The following PRKCE variants were observed in gnomAD, a reference collection of about 807,000 sequenced individuals.
PRKCE encodes protein kinase C epsilon type.
Under a neutral mutation model 85.4 loss-of-function variants are expected in PRKCE, and 16 were observed. The ratio of observed to expected loss-of-function variants is 0.19; its 90% CI spans 0.13 to 0.28. PRKCE has a LOEUF of 0.28. Among genes scored for constraint, PRKCE ranks in the 10% least tolerant of loss-of-function variants. PRKCE has a pLI of 1.00. For synonymous variants in PRKCE, 388 were observed against 371.5 expected, an observed-to-expected ratio of 1.04 and a Z score of -0.51; for missense variants, 573 against 975.2, an observed-to-expected ratio of 0.59 and a Z score of 5.49.
intron 11 of PRKCE, among the ~76,000 whole-genome samples, chr2:46,141,636 A>G (rs1305717117): frequency 6.6e-6 from 1 of 152,234 alleles, no homozygotes; most frequent in Non-Finnish European, 1.5e-5. Context: ...AGTATAGGCT[A>G]GTCACATTGG....
intron 1 of PRKCE, among the ~76,000 whole-genome samples, chr2:45,727,721 C>G (rs966175776): frequency 1.3e-5 from 2 of 152,148 alleles, no homozygotes; most frequent in African/African-American, 4.8e-5. Context: ...GTGGTGCGAT[C>G]TCGGCTCACT....
At chr2:45,693,061 C>G (rs745470531) in intron 1 of PRKCE, among the ~76,000 whole-genome samples, 18 of 152,100 alleles carry the variant, frequency 1.2e-4, no homozygotes, top group Middle Eastern at 3.4e-3. Flanking sequence ...GAGGCCTGAA[C>G]TTGGAAGTGG....
intron 14 of PRKCE, among the ~76,000 whole-genome samples, chr2:46,181,440 T>G (rs1182470526): frequency 2.0e-5 from 3 of 152,198 alleles, no homozygotes; most frequent in Non-Finnish European, 4.4e-5. Context: ...AAGAATGGCA[T>G]ACTCTCTCAA....
chr2:45,901,194 C>T (rs866729227), intron 2 of PRKCE, among the ~76,000 whole-genome samples: 1 of 152,164 alleles, frequency 6.6e-6, no homozygotes, highest in African/African-American at 2.4e-5. Flanking sequence ...AGAAAAATTG[C>T]TACAAAATCC....
intron 1 of PRKCE, among the ~76,000 whole-genome samples, chr2:45,821,762 T>A (rs965815427): frequency 6.6e-6 from 1 of 152,136 alleles, no homozygotes; most frequent in African/African-American, 2.4e-5. Flanking sequence ...TGGAAATGAA[T>A]GTCACCCTGG....
rs1455216790 is a variant in PRKCE, at chr2:46,119,681, A to G, written c.1593-25412A>G. Among the ~76,000 whole-genome samples the G allele has an allele frequency of 2.6e-5, 4 of 152,208 alleles. No individual in the cohort carries two copies. The South Asian group carries it at 8.3e-4, about 32-fold the overall frequency. ...CCATCTCTGCTTAGCAAGTGAAGAA[A>G]TATTTGCAAAGAGACTCTTTCAACT... On this transcript the variant is annotated intron_variant, in intron 11 of 14. Transcript: ENST00000306156.
rs913097119 is a variant in PRKCE at position 45,879,038 on chromosome 2, C to T, written c.412+35975C>T. On this transcript the variant is annotated intron_variant, in intron 2 of 14. Coordinates refer to ENST00000306156, the MANE Select transcript of PRKCE (RefSeq NM_005400.3). The stretch of plus-strand genomic sequence containing the variant: ...GGCCCCACCCTCAAGCCTGGAACTA[C>T]GGCAAAAAGTGAGAACTTTACATCC... Among the ~76,000 whole-genome samples the T allele has an allele frequency of 4.6e-5, 7 of 152,298 alleles. No homozygotes were observed. In the South Asian group the frequency reaches 6.2e-4, roughly 14 times the overall value.
At chr2:45,841,296 T>A (rs1161498591) in intron 1 of PRKCE, among the ~76,000 whole-genome samples, 1 of 152,196 alleles carries the variant, frequency 6.6e-6, no homozygotes, top group East Asian at 1.9e-4. Flanking sequence ...AGGAAGCCAG[T>A]CCGTGTCCGA....
intron 11 of PRKCE, among the ~76,000 whole-genome samples, chr2:46,109,142 T>G (rs532198076): frequency 6.6e-6 from 1 of 152,288 alleles, no homozygotes; most frequent in African/African-American, 2.4e-5. Context: ...GTCCCCCAAC[T>G]TTCTTCTTCT....
At chr2:46,080,180 G>T (rs979895047) in intron 10 of PRKCE, among the ~76,000 whole-genome samples, 2 of 152,108 alleles carry the variant, frequency 1.3e-5, no homozygotes, top group Non-Finnish European at 2.9e-5. Flanking sequence ...TTTCATTTAC[G>T]TAATTAAGCA....
intron 1 of PRKCE, among the ~76,000 whole-genome samples, chr2:45,834,246 G>A (rs1241480513): frequency 1.3e-5 from 2 of 152,190 alleles, no homozygotes; most frequent in Non-Finnish European, 2.9e-5. Flanking sequence ...ACCTGGCTAC[G>A]GGTGATGAGA....
At chr2:46,102,365 T>C (rs1358288962) in intron 11 of PRKCE, among the ~76,000 whole-genome samples, 1 of 152,198 alleles carries the variant, frequency 6.6e-6, no homozygotes, top group Admixed American at 6.5e-5. Flanking sequence ...ATTTCAGATG[T>C]CTTTAAGATA....
rs201797919 is a variant in PRKCE, at chr2:46,123,148, C to A, written c.1593-21945C>A. 5.8e-3 allele frequency among the ~76,000 whole-genome samples: 489 copies of A among 84,206 alleles called. 1 individual carries two copies. Among genetic ancestry groups the A allele is most frequent in the East Asian group, 6.7e-3 (19 of 2,822 alleles). 55.2% of individuals were successfully genotyped at this position (84,206 alleles called of 152,430 possible). A position where few individuals can be genotyped will look rare whatever the true frequency, so the allele number is the denominator to read the frequency against. ...AGGAAAGTTGACTGAAGTTCACTAG[C>A]AAAAAAAAAAAAAAAAAATGTGCAA... On this transcript the variant is annotated intron_variant, in intron 11 of 14. Transcript: ENST00000306156.
At chr2:45,776,517 A>G (rs1685760511) in intron 1 of PRKCE, among the ~76,000 whole-genome samples, 1 of 152,188 alleles carries the variant, frequency 6.6e-6, no homozygotes, top group East Asian at 1.9e-4. Context: ...TCTCACCCAC[A>G]TGATCTTGCA....
chr2:45,659,610 C>T (rs562793020), intron 1 of PRKCE, among the ~76,000 whole-genome samples: 1 of 152,162 alleles, frequency 6.6e-6, no homozygotes, highest in Admixed American at 6.5e-5. Flanking sequence ...TCTCCCTGTT[C>T]ATTCCTCTCT....
At chr2:45,833,226 G>T (rs906976983) in intron 1 of PRKCE, among the ~76,000 whole-genome samples, 3 of 152,052 alleles carry the variant, frequency 2.0e-5, no homozygotes, top group Non-Finnish European at 4.4e-5. Flanking sequence ...ATTAGGTTGT[G>T]ATACTACAGG....
intron 14 of PRKCE, among the ~76,000 whole-genome samples, chr2:46,165,636 C>T (rs3820729): frequency 0.1 from 15,553 of 152,298 alleles, 809 homozygotes; most frequent in Middle Eastern, 0.17. Flanking sequence ...CTTGCCTTCT[C>T]TGGGGACTGG....
chr2:46,079,485 T>C (rs1488848448), intron 10 of PRKCE, among the ~76,000 whole-genome samples: 4 of 152,178 alleles, frequency 2.6e-5, no homozygotes, highest in African/African-American at 9.7e-5. Context: ...AGGAAAGACC[T>C]GTTGAATTGA....
chr2:46,083,819 G>T (rs1164717676), intron 10 of PRKCE, among the ~76,000 whole-genome samples: 1 of 152,152 alleles, frequency 6.6e-6, no homozygotes, highest in Admixed American at 6.5e-5. Context: ...CTTTGTTCTT[G>T]GAAGGAATCC....
Sources: allele counts gnomAD v4.1 joint callset (sites outside exome capture counted in the v4.1 genomes callset), GRCh38; gene constraint gnomAD v4.1.1; transcripts MANE v1.5; gene names NCBI Gene and HGNC (gene_info 2026-07-23, HGNC 2026-07-21).